The following EGFR variants were observed in gnomAD, a reference collection of about 807,000 sequenced individuals.
The protein encoded by EGFR is avian erythroblastic leukemia viral (v-erb-b) oncogene homolog.
EGFR carries 58 observed loss-of-function variants against 143.0 expected under a neutral mutation model. The ratio of observed to expected loss-of-function variants is 0.41; its 90% CI spans 0.33 to 0.50. EGFR has a LOEUF of 0.50. Ranked by LOEUF, EGFR falls within the 20% of genes least tolerant of loss-of-function variation. The pLI is 0.39. For missense variants in EGFR, 1,307 were observed against 1,579.0 expected, an observed-to-expected ratio of 0.83 and a Z score of 2.92; for synonymous variants, 613 against 594.4, an observed-to-expected ratio of 1.03 and a Z score of -0.45.
intron 1 of EGFR, among the ~76,000 whole-genome samples, chr7:55,128,132 G>C (rs1425003947): frequency 6.6e-6 from 1 of 152,172 alleles, no homozygotes; most frequent in East Asian, 1.9e-4. Context: ...CCAGGGACTT[G>C]GCCCCAGCCC....
At chr7:55,107,638 A>G (rs1792216870) in intron 1 of EGFR, among the ~76,000 whole-genome samples, 1 of 152,224 alleles carries the variant, frequency 6.6e-6, no homozygotes, top group African/African-American at 2.4e-5. Context: ...GCTGCAGATC[A>G]CGGCAGTGAA....
At chr7:55,065,473 A>G (rs373347196) in intron 1 of EGFR, among the ~76,000 whole-genome samples, 1 of 152,218 alleles carries the variant, frequency 6.6e-6, no homozygotes, top group Non-Finnish European at 1.5e-5. Flanking sequence ...CTTTAAAAAG[A>G]TCAGTTTTAT....
At chr7:55,095,176 C>T (rs1562709270) in intron 1 of EGFR, among the ~76,000 whole-genome samples, 1 of 152,220 alleles carries the variant, frequency 6.6e-6, no homozygotes, top group East Asian at 1.9e-4. Flanking sequence ...GCAGGTCCCG[C>T]AAGACACAGA....
intron 2 of EGFR, among the ~76,000 whole-genome samples, chr7:55,142,993 G>A (rs1170205562): frequency 6.6e-6 from 1 of 152,184 alleles, no homozygotes; most frequent in Non-Finnish European, 1.5e-5. Flanking sequence ...CAGATACAAA[G>A]TAATTCTTTT....
chr7:55,163,724 T>C lies in EGFR; in HGVS notation c.1632-9T>C, dbSNP rs2128944561. 1 of 1,613,932 alleles carries C rather than the reference T, an allele frequency of 6.2e-7. No homozygotes were observed. The highest frequency in any genetic ancestry group is 1.1e-5 in the South Asian group (1 of 91,078). On this transcript the variant is annotated splice_polypyrimidine_tract_variant and intron_variant, in intron 13 of 27. Coordinates refer to ENST00000275493, the MANE Select transcript of EGFR (RefSeq NM_005228.5). ...GGTGGGCTGACGGGTTTCCTCTTCC[T>C]CCTCTCAGTGAGCCAAGGGAGTTTG...
At chr7:55,177,260 A>T (rs1786640937) in intron 19 of EGFR, among the ~76,000 whole-genome samples, 1 of 152,200 alleles carries the variant, frequency 6.6e-6, no homozygotes, top group Non-Finnish European at 1.5e-5. Flanking sequence ...GAGAGGGGGA[A>T]GCTGGAGGAG....
chr7:55,200,903 A>C (rs1482137943), intron 24 of EGFR: 2 of 538,192 alleles, frequency 3.7e-6, no homozygotes, highest in Non-Finnish European at 6.7e-6. Flanking sequence ...CAAGGTGCAC[A>C]CTCGATGAAT....
chr7:55,196,750 C>A (rs747318447), intron 22 of EGFR, among the ~76,000 whole-genome samples: 14 of 149,128 alleles, frequency 9.4e-5, no homozygotes, highest in Non-Finnish European at 2.1e-4. Flanking sequence ...AGCTAGTCAT[C>A]ATTTATTGAG....
intron 1 of EGFR, among the ~76,000 whole-genome samples, chr7:55,077,684 G>A (rs1790208720): frequency 6.6e-6 from 1 of 152,190 alleles, no homozygotes; most frequent in South Asian, 2.1e-4. Context: ...TAGAGAACTA[G>A]GAAACAGGCG....
chr7:55,179,636 G>A (rs1315253070), intron 19 of EGFR: 1 of 152,264 alleles, frequency 6.6e-6, no homozygotes, highest in Non-Finnish European at 1.5e-5. Context: ...TTAGGGCAAG[G>A]AAAGCGTGTG....
In EGFR at chr7:55,111,081, A is replaced by T. The variant is rs552845119; in HGVS notation, c.89-31205A>T. 2.2e-4 allele frequency among the ~76,000 whole-genome samples: 34 copies of T among 152,314 alleles called. 1 individual carries two copies. The highest frequency in any genetic ancestry group is 6.5e-4 in the Admixed American group (10 of 15,300). ...AGAAACCATAGAAATTGGATTTGGA[A>T]TCGCTGAATGCTAGCAGACAGCTGA... On this transcript the variant is annotated intron_variant, in intron 1 of 27. Coordinates refer to ENST00000275493, the MANE Select transcript of EGFR (RefSeq NM_005228.5).
intron 1 of EGFR, among the ~76,000 whole-genome samples, chr7:55,027,990 AAATATATATAT>A (rs1479566852): frequency 3.6e-3 from 236 of 64,862 alleles, no homozygotes; most frequent in South Asian, 0.015. Context: ...AAAAAAAAAA[AAATATATATAT>A]ATATATATAT....
intron 12 of EGFR, among the ~76,000 whole-genome samples, chr7:55,161,290 C>T (rs910154285): frequency 1.3e-5 from 2 of 152,276 alleles, no homozygotes; most frequent in Non-Finnish European, 2.9e-5. Flanking sequence ...TTTCAGTCTT[C>T]CCAGCAGCCA....
At chr7:55,130,646 C>T (rs956711438) in intron 1 of EGFR, among the ~76,000 whole-genome samples, 5 of 152,160 alleles carry the variant, frequency 3.3e-5, no homozygotes, top group Non-Finnish European at 7.4e-5. Context: ...TAAATGAAAA[C>T]CCACACACAC....
chr7:55,090,405 C>T (rs1478167059), intron 1 of EGFR, among the ~76,000 whole-genome samples: 15 of 152,206 alleles, frequency 9.9e-5, no homozygotes, highest in Non-Finnish European at 1.9e-4. Context: ...AGCCCCTGAC[C>T]TCGGGCCCCT....
intron 1 of EGFR, among the ~76,000 whole-genome samples, chr7:55,112,558 G>C (rs992624664): frequency 1.3e-5 from 2 of 152,232 alleles, no homozygotes; most frequent in Admixed American, 1.3e-4. Flanking sequence ...TGTGGCCCGA[G>C]GGCCATGGCT....
intron 22 of EGFR, 52 bp from the exon 23 acceptor site, chr7:55,198,659 GGATTGT>G: frequency 6.2e-7 from 1 of 1,610,060 alleles, no homozygotes; most frequent in East Asian, 2.2e-5. Context: ...CTAAAGCAAG[GGATTGT>G]GATTGTTCAT....
intron 1 of EGFR, chr7:55,119,376 G>A (rs2128912729): frequency 6.6e-6 from 1 of 152,314 alleles, no homozygotes; most frequent in East Asian, 1.9e-4. Context: ...CTTCCGAGTG[G>A]TTCCAGAAAC....
At chr7:55,156,475 C>T (rs1785424019) in intron 8 of EGFR, 58 bp from the exon 9 acceptor site, 1 of 1,610,824 alleles carries the variant, frequency 6.2e-7, no homozygotes, top group Non-Finnish European at 8.5e-7. Context: ...CTGTGGATCC[C>T]TAGCTATTCT....
Sources: gnomAD v4.1 joint callset for allele counts (sites outside exome capture counted in the v4.1 genomes callset) on GRCh38, gnomAD v4.1.1 for gene constraint, MANE v1.5 for transcripts, NCBI Gene and HGNC (gene_info 2026-07-23, HGNC 2026-07-21) for gene names.